GNPAT: variants seen among roughly 807,000 people sequenced by gnomAD.
GNPAT encodes the protein dihydroxyacetone phosphate acyltransferase.
A neutral mutation model predicts 78.4 loss-of-function variants in GNPAT; 30 were observed. That is an observed-to-expected ratio of 0.38 (90% CI 0.29 to 0.52). The LOEUF (loss-of-function observed/expected upper bound fraction) is 0.52. Among genes scored for constraint, GNPAT ranks in the 20% least tolerant of loss-of-function variants. The probability of loss-of-function intolerance (pLI) is 0.84; values close to 1 mark genes in which losing one functional copy is unlikely to be tolerated. For synonymous variants in GNPAT, 271 were observed against 281.1 expected (o/e 0.96, Z 0.36); for missense variants, 714 against 812.2 (o/e 0.88, Z 1.47).
At chr1:231,274,939 G>T in intron 12 of GNPAT, 1 of 358,004 alleles carries the variant, frequency 2.8e-6, no homozygotes, top group South Asian at 2.6e-5. Context: ...TAAGAGATAC[G>T]AAGCTGATGG....
chr1:231,270,638 T>C (rs1390583242), intron 9 of GNPAT, 120 bp from the exon 10 acceptor site: 17 of 976,724 alleles, frequency 1.7e-5, no homozygotes, highest in Non-Finnish European at 2.7e-5. Context: ...TGGTAGACAG[T>C]AAAACCTGTC....
intron 1 of GNPAT, among the ~76,000 whole-genome samples, chr1:231,242,999 G>C (rs1011609610): frequency 2.0e-5 from 3 of 152,184 alleles, no homozygotes; most frequent in Non-Finnish European, 4.4e-5. Flanking sequence ...CGCTGTTATT[G>C]TGTAATATTC....
Position 231,275,998 on chromosome 1 carries a change from GCCTTTCGACTACTTA to G in GNPAT, c.1938-136_1938-122del, listed in dbSNP as rs1293946685. The G allele has an allele frequency of 1.1e-5, 7 of 620,302 alleles. No homozygotes were observed. The African/African-American group carries it at 1.3e-4, about 11-fold the overall frequency. 38.4% of individuals were successfully genotyped at this position (620,302 alleles called of 1,614,324 possible). On this transcript the variant is annotated intron_variant, in intron 14 of 15. Coordinates refer to ENST00000366647, the MANE Select transcript of GNPAT (RefSeq NM_014236.4). The stretch of plus-strand genomic sequence containing the variant: ...CCAGGAGGTGGGACAGGAGCCTGAG[GCCTTTCGACTACTTA>G]GGCCCAGCCTTGAGGAAGGCAATTG...
chr1:231,271,738 G>A (rs546429175), intron 10 of GNPAT, among the ~76,000 whole-genome samples: 8 of 152,272 alleles, frequency 5.3e-5, no homozygotes, highest in East Asian at 1.9e-4. Flanking sequence ...AAAATGAAGC[G>A]TCCTGGCCTC....
intron 15 of GNPAT, 146 bp from the exon 16 acceptor site, chr1:231,277,353 G>T: frequency 1.5e-6 from 1 of 675,650 alleles, no homozygotes; most frequent in Non-Finnish European, 2.7e-6. Context: ...TGTGGAGGGG[G>T]CTGGCGTCCC....
At chr1:231,242,571 C>T (rs1571926411) in intron 1 of GNPAT, among the ~76,000 whole-genome samples, 1 of 152,122 alleles carries the variant, frequency 6.6e-6, no homozygotes, top group Non-Finnish European at 1.5e-5. Flanking sequence ...TCTTATCTTC[C>T]CCACAGTTCT....
chr1:231,247,708 C>T (rs935065373), intron 1 of GNPAT, among the ~76,000 whole-genome samples: 1 of 152,190 alleles, frequency 6.6e-6, no homozygotes. Context: ...CAGTGTCAAG[C>T]ACATAGGCAT....
intron 2 of GNPAT, among the ~76,000 whole-genome samples, chr1:231,260,239 C>T (rs189251356): frequency 6.6e-6 from 1 of 152,294 alleles, no homozygotes; most frequent in East Asian, 1.9e-4. Context: ...AACTTATTAA[C>T]AAACCAAATG....
chr1:231,261,538 T>C (rs1685225554), intron 3 of GNPAT, among the ~76,000 whole-genome samples: 1 of 152,190 alleles, frequency 6.6e-6, no homozygotes, highest in Admixed American at 6.5e-5. Flanking sequence ...CATCAGTTGG[T>C]TATCGTTATG....
chr1:231,268,609 C>CAAA (rs376264408), intron 9 of GNPAT, among the ~76,000 whole-genome samples: 7 of 108,678 alleles, frequency 6.4e-5, no homozygotes, highest in African/African-American at 1.1e-4. Flanking sequence ...ACCCCATCTC[C>CAAA]AAAAAAAAAA....
At chr1:231,272,725 C>A (rs954986327) in intron 11 of GNPAT, among the ~76,000 whole-genome samples, 2 of 152,160 alleles carry the variant, frequency 1.3e-5, no homozygotes, top group Non-Finnish European at 2.9e-5. Context: ...AATCCCAGCA[C>A]TTTGGGAGGC....
rs1012316194 is a variant in GNPAT, at chr1:231,273,964, A to G, written c.1645A>G (p.Ile549Val). 14 of 1,612,464 alleles carry G rather than the reference A, an allele frequency of 8.7e-6. No homozygotes were observed. In the Admixed American group the frequency reaches 1.7e-4, roughly 19 times the overall value. ...TTACCTGCTTTGTAAAAGTGAAGCC[A>G]TACAAGTGACTACGAAAGACATCCT... ...GCYLLCKSEA[I>V]QVTTKDILVT... Residue 549 changes from isoleucine to valine, a missense_variant, in exon 12 of 16, where the codon ATA (isoleucine) becomes GTA (valine). Ile to Val is a conservative substitution (Grantham distance 29). Transcript: ENST00000366647.
intron 1 of GNPAT, among the ~76,000 whole-genome samples, chr1:231,246,260 T>C (rs1684744420): frequency 6.6e-6 from 1 of 152,204 alleles, no homozygotes; most frequent in Non-Finnish European, 1.5e-5. Flanking sequence ...AACTCAGAGC[T>C]CTCCCATATC....
rs1685391455 is a variant in GNPAT, at chr1:231,266,421, T to C, written c.1055+14T>C. 1 of 1,609,992 alleles carries C rather than the reference T, an allele frequency of 6.2e-7. No individual in the cohort carries two copies. Among genetic ancestry groups the C allele is most frequent in the Non-Finnish European group, 8.5e-7 (1 of 1,176,378 alleles). On this transcript the variant is annotated intron_variant, in intron 8 of 15. Transcript: ENST00000366647. Reference sequence around the variant, plus strand: ...CTTGGTTCCAAGGTGTGACCTGTGTTTTAATAACTGTCTTAGAAATGAGGA... The same window carrying C: ...CTTGGTTCCAAGGTGTGACCTGTGTCTTAATAACTGTCTTAGAAATGAGGA...
intron 15 of GNPAT, 65 bp downstream of exon 15, chr1:231,276,261 A>G (rs959934830): frequency 1.4e-5 from 11 of 784,298 alleles, no homozygotes; most frequent in Admixed American, 1.1e-4. Flanking sequence ...AAGAAAGTAT[A>G]CTGTGGCACC....
At chr1:231,243,885 CAT>C (rs889609193) in intron 1 of GNPAT, among the ~76,000 whole-genome samples, 2 of 151,692 alleles carry the variant, frequency 1.3e-5, no homozygotes, top group African/African-American at 2.4e-5. Context: ...TGTGTATACA[CAT>C]ATATATATAA....
In GNPAT at chr1:231,274,081, T is replaced by C. The variant is rs1487457371; in HGVS notation, c.1743+19T>C. The C allele has an allele frequency of 1.2e-6, 2 of 1,603,784 alleles. No individual in the cohort carries two copies. Among genetic ancestry groups the C allele is most frequent in the East Asian group, 4.5e-5 (2 of 44,840 alleles). On this transcript the variant is annotated intron_variant, in intron 12 of 15. Coordinates refer to ENST00000366647, the MANE Select transcript of GNPAT (RefSeq NM_014236.4). ...CTATCAGGTATGTAAATTTGGCAAG[T>C]TCTCCTTCATGCCCCCCATATCAAA...
In GNPAT at chr1:231,277,853, T is replaced by C. The variant is rs1276670359; in HGVS notation, c.*311T>C. Reference sequence around the variant, plus strand: ...TCAGCTTACTATATGTATTAAACTTTTATGTTGACTTTTGAATTAAAGTAT... The same window carrying C: ...TCAGCTTACTATATGTATTAAACTTCTATGTTGACTTTTGAATTAAAGTAT... On this transcript the variant is annotated 3_prime_UTR_variant, in exon 16 of 16. Coordinates refer to ENST00000366647, the MANE Select transcript of GNPAT (RefSeq NM_014236.4). 4.2e-6 allele frequency: 1 copy of C among 237,102 alleles called. No individual in the cohort carries two copies. The highest frequency in any genetic ancestry group is 2.2e-5 in the African/African-American group (1 of 44,750). 14.7% of individuals were successfully genotyped at this position (237,102 alleles called of 1,614,324 possible).
chr1:231,275,172 G>A (rs781092778), intron 12 of GNPAT, 49 bp from the exon 13 acceptor site: 1 of 1,064,868 alleles, frequency 9.4e-7, no homozygotes, highest in East Asian at 2.4e-5. Flanking sequence ...GTTGAACTTG[G>A]CTATCCTTTT....
Sources: allele counts gnomAD v4.1 joint callset (sites outside exome capture counted in the v4.1 genomes callset), GRCh38; gene constraint gnomAD v4.1.1; transcripts MANE v1.5; gene names NCBI Gene and HGNC (gene_info 2026-07-23, HGNC 2026-07-21).